Variants in DNMBP observed in about 807,000 individuals in gnomAD.
DNMBP encodes the protein dynamin binding protein.
A neutral mutation model predicts 150.0 loss-of-function variants in DNMBP; 87 were observed. That is an observed-to-expected ratio of 0.58 (90% confidence interval 0.49 to 0.69). DNMBP has a LOEUF of 0.69. Ranked by LOEUF, DNMBP falls within the 30% of genes least tolerant of loss-of-function variation. The probability of loss-of-function intolerance (pLI) is 0.00; values close to 1 mark genes in which losing one functional copy is unlikely to be tolerated. For synonymous variants in DNMBP, 711 were observed against 750.4 expected, an observed-to-expected ratio of 0.95 and a Z score of 0.86; for missense variants, 1,774 against 1,949.0, an observed-to-expected ratio of 0.91 and a Z score of 1.69.
chr10:100,002,561 G>A (rs2041026551), intron 1 of DNMBP, among the ~76,000 whole-genome samples: 1 of 152,166 alleles, frequency 6.6e-6, no homozygotes, highest in Admixed American at 6.5e-5. Context: ...ATCATCCTGA[G>A]TATGGCTCTT....
chr10:99,959,091 CTTTTAG>C lies in DNMBP; in HGVS notation c.269-1892_269-1887del, dbSNP rs750648882. ...ACAGATGCAAATAGAATCTGGTTTT[CTTTTAG>C]TAAGTTGAACATTAAAAATATTTAC... On this transcript the variant is annotated intron_variant, in intron 3 of 16. Transcript: ENST00000324109. 5.9e-5 allele frequency among the ~76,000 whole-genome samples: 9 copies of C among 152,262 alleles called. No individual in the cohort carries two copies. In the East Asian group the frequency reaches 1.2e-3, roughly 20 times the overall value.
chr10:99,908,164 C>T lies in DNMBP; in HGVS notation c.2455-70G>A, dbSNP rs2039850194. ...AATGGCATTTCAATCATCTTAGGAA[C>T]AGCTCTTCAAGAATTGTAGAAAAAT... On this transcript the variant is annotated intron_variant, in intron 5 of 16. Transcript: ENST00000324109. 2.7e-6 allele frequency: 3 copies of T among 1,119,352 alleles called. No individual in the cohort carries two copies. In the African/African-American group the frequency reaches 4.6e-5, roughly 17 times the overall value. 69.3% of individuals were successfully genotyped at this position (1,119,352 alleles called of 1,614,324 possible).
intron 2 of DNMBP, among the ~76,000 whole-genome samples, chr10:99,970,332 G>A (rs1205051570): frequency 6.6e-6 from 1 of 152,224 alleles, no homozygotes; most frequent in Non-Finnish European, 1.5e-5. Flanking sequence ...GATGCATGTG[G>A]TGTGGGAAAA....
chr10:99,895,107 G>T, intron 10 of DNMBP, 57 bp from the exon 11 acceptor site: 2 of 974,212 alleles, frequency 2.1e-6, no homozygotes, highest in Non-Finnish European at 3.0e-6. Flanking sequence ...TAATCTTACT[G>T]GCAAAAGTAG....
chr10:99,934,295 T>G (rs2040199251), intron 4 of DNMBP, among the ~76,000 whole-genome samples: 1 of 151,636 alleles, frequency 6.6e-6, no homozygotes, highest in Non-Finnish European at 1.5e-5. Context: ...AATGTGAGCT[T>G]CTAAGGTTTT....
In DNMBP at chr10:99,896,325, A is replaced by C; in HGVS notation, c.2993T>G (p.Ile998Ser). The change falls in exon 10 of 17, where the codon ATC (isoleucine) becomes AGC (serine). Residue 998 changes from isoleucine (I) to serine (S), a missense_variant. By Grantham distance (142) the Ile-to-Ser change is moderately radical. Coordinates refer to ENST00000324109, the MANE Select transcript of DNMBP (RefSeq NM_015221.4). ...KISKLNIHSI[I>S]KKSNRVSSHL... ...ACTGCTAACTCGGTTGGATTTCTTGATGATGGAGTGGATGTTCAGTTTGGA... is the reference window on the plus strand; with the variant it reads ...ACTGCTAACTCGGTTGGATTTCTTGCTGATGGAGTGGATGTTCAGTTTGGA... 1.2e-6 allele frequency: 2 copies of C among 1,614,178 alleles called. No homozygotes were observed. Among genetic ancestry groups the C allele is most frequent in the Non-Finnish European group, 1.7e-6 (2 of 1,180,020 alleles).
At chr10:99,936,518 T>A (rs2040233624) in intron 4 of DNMBP, among the ~76,000 whole-genome samples, 2 of 142,082 alleles carry the variant, frequency 1.4e-5, no homozygotes, top group Non-Finnish European at 3.1e-5. Context: ...CTTTTTTCTT[T>A]TTTTTTTTTT....
chr10:99,893,221 C>T (rs1048196863), intron 11 of DNMBP, among the ~76,000 whole-genome samples: 3 of 152,178 alleles, frequency 2.0e-5, no homozygotes, highest in Non-Finnish European at 2.9e-5. Flanking sequence ...TGACATTTAA[C>T]GGTAGTTGTC....
chr10:99,956,343 G>A lies in DNMBP; in HGVS notation c.1131C>T (p.Asp377=), dbSNP rs560503880. Residue 377 remains aspartate (D), a synonymous_variant, in exon 4 of 17, where the codon GAC becomes GAT. Coordinates refer to ENST00000324109, the MANE Select transcript of DNMBP (RefSeq NM_015221.4). ...EYDTDRNSYQ[D]EDTAGGPPRS... Reference sequence around the variant, plus strand: ...TCGGGGGCCCTCCTGCGGTGTCCTCGTCCTGATAAGAGTTTCTGTCTGTGT... The same window carrying A: ...TCGGGGGCCCTCCTGCGGTGTCCTCATCCTGATAAGAGTTTCTGTCTGTGT... 31 of 1,613,806 alleles carry A rather than the reference G, an allele frequency of 1.9e-5. No homozygotes were observed. The highest frequency in any genetic ancestry group is 6.7e-5 in the Admixed American group (4 of 59,970).
At chr10:99,921,468 T>C (rs1227884154) in intron 4 of DNMBP, among the ~76,000 whole-genome samples, 1 of 152,210 alleles carries the variant, frequency 6.6e-6, no homozygotes. Context: ...CATCCACTGC[T>C]ATCATGGAGC....
At chr10:99,976,232 A>C (rs2040726074) in intron 1 of DNMBP, among the ~76,000 whole-genome samples, 1 of 152,248 alleles carries the variant, frequency 6.6e-6, no homozygotes, top group African/African-American at 2.4e-5. Flanking sequence ...GTGCTATTTC[A>C]AACATATAAA....
chr10:99,957,840 T>C (rs1185203760), intron 3 of DNMBP: 1 of 149,714 alleles, frequency 6.7e-6, no homozygotes, highest in Non-Finnish European at 1.5e-5. Flanking sequence ...GTCTCAAAAA[T>C]AAAAATAAAA....
At chr10:99,897,515 C>T (rs1449245067) in intron 9 of DNMBP, among the ~76,000 whole-genome samples, 1 of 152,202 alleles carries the variant, frequency 6.6e-6, no homozygotes, top group Non-Finnish European at 1.5e-5. Flanking sequence ...TAAAACTTCC[C>T]ATCACCTAGT....
At chr10:99,971,914 G>T in intron 2 of DNMBP, 66 bp downstream of exon 2, 2 of 1,460,508 alleles carry the variant, frequency 1.4e-6, no homozygotes, top group Non-Finnish European at 9.3e-7. Context: ...GGAGTGCAGT[G>T]CCAGCCTTTA....
At chr10:99,899,524 C>G (rs1453646073) in intron 7 of DNMBP, among the ~76,000 whole-genome samples, 1 of 152,136 alleles carries the variant, frequency 6.6e-6, no homozygotes, top group African/African-American at 2.4e-5. Context: ...ATCGCTTGAA[C>G]CCGGGAGGCA....
chr10:100,009,431 T>A (rs2041109175), intron 1 of DNMBP, among the ~76,000 whole-genome samples: 1 of 152,226 alleles, frequency 6.6e-6, no homozygotes, highest in African/African-American at 2.4e-5. Context: ...TCCTATGCCG[T>A]AAGGCTCCGA....
At chr10:99,908,904 C>T (rs2039860729) in intron 5 of DNMBP, 49 bp downstream of exon 5, 1 of 1,542,880 alleles carries the variant, frequency 6.5e-7, no homozygotes, top group Non-Finnish European at 8.8e-7. Flanking sequence ...TGCTTCTGGC[C>T]TGGAGGACCA....
At chr10:99,976,730 C>G (rs2040731741) in intron 1 of DNMBP, among the ~76,000 whole-genome samples, 1 of 151,944 alleles carries the variant, frequency 6.6e-6, no homozygotes. Context: ...TTCCAGAGGA[C>G]TGAAGTTGCC....
chr10:99,990,852 C>CACACAT (rs1343093884), intron 1 of DNMBP, among the ~76,000 whole-genome samples: 7 of 144,726 alleles, frequency 4.8e-5, no homozygotes, highest in African/African-American at 1.8e-4. Flanking sequence ...CACACACACA[C>CACACAT]ATATATATAT....
Sources: allele counts gnomAD v4.1 joint callset (sites outside exome capture counted in the v4.1 genomes callset), GRCh38; gene constraint gnomAD v4.1.1; transcripts MANE v1.5; gene names NCBI Gene and HGNC (gene_info 2026-07-23, HGNC 2026-07-21).